KIF13A: variants seen among roughly 807,000 people sequenced by gnomAD.
The protein encoded by KIF13A is kinesin family member 13A.
A neutral mutation model predicts 212.2 loss-of-function variants in KIF13A; 79 were observed. The ratio of observed to expected loss-of-function variants is 0.37; its 90% CI spans 0.31 to 0.45. The LOEUF is 0.45. Ranked by LOEUF, KIF13A falls within the 20% of genes least tolerant of loss-of-function variation. The pLI is 1.00. For missense variants in KIF13A, 1,901 were observed against 2,209.0 expected, an observed-to-expected ratio of 0.86 and a Z score of 2.79; for synonymous variants, 789 against 808.6, an observed-to-expected ratio of 0.98 and a Z score of 0.41.
rs935210839 is a variant in KIF13A, at chr6:17,771,614, A to G, written c.4476+294T>C. On this transcript the variant is annotated intron_variant, in intron 37 of 38. Coordinates refer to ENST00000259711, the MANE Select transcript of KIF13A (RefSeq NM_022113.6). This position sits in a 1 kb window ranked among gnomAD's most constrained non-coding sequence, Gnocchi z 5.4. ...AAAGACAAAAAAGAAAAATAATTTT[A>G]AAAAAGGCCTTTAATCTTTTCAAAA... 1 of 342,824 alleles carries G rather than the reference A, an allele frequency of 2.9e-6. No homozygotes were observed. The highest frequency in any genetic ancestry group is 5.3e-6 in the Non-Finnish European group (1 of 190,166). 21.2% of individuals were successfully genotyped at this position (342,824 alleles called of 1,614,324 possible).
At chr6:17,911,734 T>G (rs1466831076) in intron 2 of KIF13A, among the ~76,000 whole-genome samples, 1 of 150,610 alleles carries the variant, frequency 6.6e-6, no homozygotes, top group Non-Finnish European at 1.5e-5. Context: ...ACCTACTATT[T>G]CATAGCACAG....
chr6:17,781,695 T>C (rs1363964454), intron 29 of KIF13A, among the ~76,000 whole-genome samples: 1 of 146,420 alleles, frequency 6.8e-6, no homozygotes, highest in African/African-American at 2.5e-5. Context: ...GGCCTGATCA[T>C]AGCTCACTGC....
At chr6:17,976,793 C>T (rs1780554897) in intron 2 of KIF13A, among the ~76,000 whole-genome samples, 1 of 147,632 alleles carries the variant, frequency 6.8e-6, no homozygotes, top group Admixed American at 6.7e-5. Context: ...CAGAGCAAGA[C>T]TCCATCTCAA....
chr6:17,909,153 T>C (rs1358879875), intron 2 of KIF13A, among the ~76,000 whole-genome samples: 4 of 152,242 alleles, frequency 2.6e-5, no homozygotes, highest in Non-Finnish European at 5.9e-5. Context: ...AATGTCAACA[T>C]TGCTGAAACT....
rs200821312 is a variant in KIF13A, at chr6:17,764,952, G to C, written c.4582-6C>G. On this transcript the variant is annotated splice_region_variant and splice_polypyrimidine_tract_variant and intron_variant, in intron 38 of 38. Coordinates refer to ENST00000259711, the MANE Select transcript of KIF13A (RefSeq NM_022113.6). This position sits in a 1 kb window ranked among gnomAD's most constrained non-coding sequence, Gnocchi z 5.1. ...TTTTCTTCCTCCTCAGAGTCCTATA[G>C]AAGTGAAGCAAAAGTCAGTCATTAG... The C allele has an allele frequency of 1.8e-5, 29 of 1,587,872 alleles. No individual in the cohort carries two copies. In the African/African-American group the frequency reaches 3.0e-4, roughly 16 times the overall value.
rs1245635512 is a variant in KIF13A, at chr6:17,799,267, T to G, written c.2789A>C (p.Lys930Thr). Residue 930 changes from lysine to threonine, a missense_variant and splice_region_variant, in exon 22 of 39, where the codon AAG becomes ACG. Coordinates refer to ENST00000259711, the MANE Select transcript of KIF13A (RefSeq NM_022113.6). This position sits in a 1 kb window ranked among gnomAD's most constrained non-coding sequence, Gnocchi z 4.4. ...AQYTVTFSHC[K>T]DYVVNVTEEF... Reference sequence around the variant, plus strand: ...CTCATTTGGTAATGGCATTTGTACCTTACAGTGGGAGAAGGTCACTGTGTA... The same window carrying G: ...CTCATTTGGTAATGGCATTTGTACCGTACAGTGGGAGAAGGTCACTGTGTA... 2.5e-6 allele frequency: 4 copies of G among 1,590,790 alleles called. No homozygotes were observed. Among genetic ancestry groups the G allele is most frequent in the Non-Finnish European group, 2.6e-6 (3 of 1,168,910 alleles).
chr6:17,768,501 A>C lies in KIF13A; in HGVS notation c.4581+2613T>G, dbSNP rs1156659226. On this transcript the variant is annotated intron_variant, in intron 38 of 38. Transcript: ENST00000259711. The surrounding 1 kb of genome is among the most constrained non-coding windows in gnomAD (Gnocchi z 5.4). Reference sequence around the variant, plus strand: ...TTCACCAGAGATCTCTGTTTGCAGAACTGCACCAGCCAAGGGCTCCAGTAC... The same window carrying C: ...TTCACCAGAGATCTCTGTTTGCAGACCTGCACCAGCCAAGGGCTCCAGTAC... 1.3e-5 allele frequency among the ~76,000 whole-genome samples: 2 copies of C among 152,222 alleles called. No homozygotes were observed. The highest frequency in any genetic ancestry group is 1.5e-5 in the Non-Finnish European group (1 of 68,034).
chr6:17,866,160 G>A (rs558142343), intron 4 of KIF13A, among the ~76,000 whole-genome samples: 9 of 152,306 alleles, frequency 5.9e-5, no homozygotes, highest in African/African-American at 1.7e-4. Flanking sequence ...ATTTGATGGT[G>A]TTTTACACCC....
At position 17,926,689 on chromosome 6, in the gene KIF13A, A is replaced by C. The variant is rs985438969; in HGVS notation, c.147-28509T>G. On this transcript the variant is annotated intron_variant, in intron 2 of 38. Transcript: ENST00000259711. The surrounding 1 kb of genome is among the most constrained non-coding windows in gnomAD (Gnocchi z 4.3). ...AGACTGAAATTTTCTTTGACGTAAA[A>C]ATTACTTATAATCTCAGAGTGTAAT... Among the ~76,000 whole-genome samples, 1 of 152,180 alleles carries C rather than the reference A, an allele frequency of 6.6e-6. No homozygotes were observed. The highest frequency in any genetic ancestry group is 2.4e-5 in the African/African-American group (1 of 41,436).
intron 2 of KIF13A, among the ~76,000 whole-genome samples, chr6:17,925,843 G>T (rs1008425856): frequency 6.6e-6 from 1 of 152,204 alleles, no homozygotes; most frequent in African/African-American, 2.4e-5. Context: ...ACACTAAAAT[G>T]TCAGTTAGCT....
rs1179732905 is a variant in KIF13A, at chr6:17,899,751, G to A, written c.147-1571C>T. Among the ~76,000 whole-genome samples, 1 of 152,082 alleles carries A rather than the reference G, an allele frequency of 6.6e-6. No individual in the cohort carries two copies. Reference sequence around the variant, plus strand: ...GGAACTAGAATAACTGGTATCTCTGGCTGCCATCAAGCAAGTCTCAACATA... The same window carrying A: ...GGAACTAGAATAACTGGTATCTCTGACTGCCATCAAGCAAGTCTCAACATA... On this transcript the variant is annotated intron_variant, in intron 2 of 38. Coordinates refer to ENST00000259711, the MANE Select transcript of KIF13A (RefSeq NM_022113.6). The surrounding 1 kb of genome is among the most constrained non-coding windows in gnomAD (Gnocchi z 5.2).
chr6:17,923,490 T>G (rs544657731), intron 2 of KIF13A, among the ~76,000 whole-genome samples: 1 of 151,318 alleles, frequency 6.6e-6, no homozygotes, highest in South Asian at 2.1e-4. Context: ...ACATCTTCCC[T>G]GTTCCAAAGA....
Position 17,919,208 on chromosome 6 carries a change from A to C in KIF13A, c.147-21028T>G, listed in dbSNP as rs1183620975. Among the ~76,000 whole-genome samples the C allele has an allele frequency of 6.6e-6, 1 of 152,216 alleles. No individual in the cohort carries two copies. The highest frequency in any genetic ancestry group is 1.5e-5 in the Non-Finnish European group (1 of 68,032). On this transcript the variant is annotated intron_variant, in intron 2 of 38. Coordinates refer to ENST00000259711, the MANE Select transcript of KIF13A (RefSeq NM_022113.6). This position sits in a 1 kb window ranked among gnomAD's most constrained non-coding sequence, Gnocchi z 4.1. ...TTAATAGTGAAAATTGCAAACACAT[A>C]CGAATGGAATGTGAACAGCATCACA...
At chr6:17,950,921 A>G in intron 2 of KIF13A, 6 of 980,946 alleles carry the variant, frequency 6.1e-6, no homozygotes, top group Non-Finnish European at 7.3e-6. Context: ...ACCCAGAGAA[A>G]TCTCTAATTA....
chr6:17,822,433 C>T (rs1764541512), intron 16 of KIF13A, among the ~76,000 whole-genome samples: 1 of 152,158 alleles, frequency 6.6e-6, no homozygotes, highest in Non-Finnish European at 1.5e-5. Context: ...ACACTGTGCA[C>T]CAGGCCACTG....
In KIF13A at chr6:17,977,118, A is replaced by C. The variant is rs1334905758; in HGVS notation, c.146+9936T>G. On this transcript the variant is annotated intron_variant, in intron 2 of 38. Transcript: ENST00000259711. ...CTCCGTCTCAAAAAACAACAACAAA[A>C]AAAAAAAAAAAAAAAAAAGAAATGC... 3.8e-3 allele frequency among the ~76,000 whole-genome samples: 499 copies of C among 131,838 alleles called. 2 individuals carry two copies. The highest frequency in any genetic ancestry group is 0.029 in the East Asian group (145 of 5,056). The allele number at this position is 131,838 out of a possible 152,430, so 86.5% of individuals were successfully genotyped here.
downstream of KIF13A, chr6:17,760,842 G>C: frequency 6.2e-7 from 1 of 1,613,510 alleles, no homozygotes; most frequent in Non-Finnish European, 8.5e-7. Flanking sequence ...GCCTGAGGAG[G>C]GGTGCTTGCT....
chr6:17,980,253 G>GCCA lies in KIF13A; in HGVS notation c.146+6798_146+6800dup, dbSNP rs202131434. ...TCTTTAAAGTAGAATATGATACACA[G>GCCA]CCACACTATCAATAAGGTGAGTAGG... On this transcript the variant is annotated intron_variant, in intron 2 of 38. Transcript: ENST00000259711. Among the ~76,000 whole-genome samples the GCCA allele has an allele frequency of 6.5e-4, 99 of 152,312 alleles. 2 individuals carry two copies. The East Asian group carries it at 0.018, about 27-fold the overall frequency.
chr6:17,937,148 A>C (rs1354807058), intron 2 of KIF13A, among the ~76,000 whole-genome samples: 1 of 152,204 alleles, frequency 6.6e-6, no homozygotes, highest in African/African-American at 2.4e-5. Context: ...ACTGCACTCT[A>C]GCCTGGGCGA....
Sources: allele counts gnomAD v4.1 joint callset (sites outside exome capture counted in the v4.1 genomes callset), GRCh38; gene constraint gnomAD v4.1.1; non-coding constraint Gnocchi (gnomAD v3.1); transcripts MANE v1.5; gene names NCBI Gene and HGNC (gene_info 2026-07-23, HGNC 2026-07-21).